GULP1: variants seen among roughly 807,000 people sequenced by gnomAD.
The protein encoded by GULP1 is GULP PTB domain containing engulfment adaptor 1, also known as PTB domain-containing engulfment adapter protein 1.
Under a neutral mutation model 40.9 loss-of-function variants are expected in GULP1, and 19 were observed. The observed-to-expected ratio is 0.46, with a 90% CI of 0.32 to 0.68. The LOEUF (loss-of-function observed/expected upper bound fraction) is 0.68, where lower values mean the gene tolerates loss of function less well. Ranked by LOEUF, GULP1 falls within the 30% of genes least tolerant of loss-of-function variation. GULP1 has a pLI of 0.03. For synonymous variants in GULP1, 119 were observed against 117.6 expected, an observed-to-expected ratio of 1.01 and a Z score of -0.08; for missense variants, 312 against 362.2, an observed-to-expected ratio of 0.86 and a Z score of 1.12.
chr2:188,494,696 C>CT (rs1327443401), intron 4 of GULP1, among the ~76,000 whole-genome samples: 1 of 152,012 alleles, frequency 6.6e-6, no homozygotes, highest in Non-Finnish European at 1.5e-5. Flanking sequence ...ACCTGAATAT[C>CT]TTTAAGTAGC....
chr2:188,406,982 A>G (rs776414823), intron 2 of GULP1, among the ~76,000 whole-genome samples: 1 of 152,154 alleles, frequency 6.6e-6, no homozygotes, highest in African/African-American at 2.4e-5. Flanking sequence ...AAAATCAAAG[A>G]CAGAGAATCC....
chr2:188,496,170 A>C (rs184612680), intron 4 of GULP1, among the ~76,000 whole-genome samples: 47 of 152,138 alleles, frequency 3.1e-4, no homozygotes, highest in African/African-American at 9.1e-4. Flanking sequence ...CTGCAGGTTC[A>C]GATAAGCGAT....
chr2:188,519,496 T>G (rs1290074207), intron 4 of GULP1, among the ~76,000 whole-genome samples: 3 of 152,194 alleles, frequency 2.0e-5, no homozygotes, highest in Admixed American at 1.3e-4. Context: ...AAAGGATCCA[T>G]CTTTGCTTCT....
intron 1 of GULP1, among the ~76,000 whole-genome samples, chr2:188,312,567 T>C (rs960997757): frequency 6.6e-6 from 1 of 152,236 alleles, no homozygotes; most frequent in Non-Finnish European, 1.5e-5. Flanking sequence ...TTTGGTTGGT[T>C]CCATGTCTTT....
chr2:188,315,530 A>T (rs749127204), intron 1 of GULP1, among the ~76,000 whole-genome samples: 5 of 152,036 alleles, frequency 3.3e-5, no homozygotes, highest in South Asian at 4.1e-4. Flanking sequence ...AATTTTTTGT[A>T]TTTAATCATT....
At chr2:188,475,187 T>G (rs558555546) in intron 2 of GULP1, among the ~76,000 whole-genome samples, 1 of 152,242 alleles carries the variant, frequency 6.6e-6, no homozygotes, top group South Asian at 2.1e-4. Flanking sequence ...GCACATTGCA[T>G]CAAATAAAAT....
intron 4 of GULP1, among the ~76,000 whole-genome samples, chr2:188,520,084 G>T (rs1378189487): frequency 1.3e-5 from 2 of 152,090 alleles, no homozygotes; most frequent in Non-Finnish European, 2.9e-5. Context: ...CTTGATAGCA[G>T]GATTTCATTT....
At chr2:188,352,612 T>TCA (rs1265583408) in intron 1 of GULP1, among the ~76,000 whole-genome samples, 1 of 42,510 alleles carries the variant, frequency 2.4e-5, no homozygotes. Flanking sequence ...TCTCTCTCTC[T>TCA]CTCTCTCACA....
rs191558533 is a variant in GULP1 at position 188,459,992 on chromosome 2, A to G, written c.-44-17667A>G. Among the ~76,000 whole-genome samples the G allele has an allele frequency of 8.1e-3, 1,233 of 152,016 alleles. 4 individuals are homozygous for G. The highest frequency in any genetic ancestry group is 0.02 in the Middle Eastern group (6 of 294). On this transcript the variant is annotated intron_variant, in intron 2 of 11. Transcript: ENST00000409830. ...ATTTCTGAATTCTCTATTGTGTTTC[A>G]TTGGTCTATGTGTCTGTTTTTATGA...
At chr2:188,487,182 G>C (rs956332508) in intron 4 of GULP1, among the ~76,000 whole-genome samples, 1 of 151,846 alleles carries the variant, frequency 6.6e-6, no homozygotes, top group South Asian at 2.1e-4. Context: ...TTTTCTGTTA[G>C]AGTGAGACAG....
intron 4 of GULP1, among the ~76,000 whole-genome samples, chr2:188,490,880 T>G (rs1472114135): frequency 6.6e-6 from 1 of 152,112 alleles, no homozygotes; most frequent in African/African-American, 2.4e-5. Context: ...TTTAGTTCAC[T>G]GCAACCTCTG....
chr2:188,404,826 C>G (rs2052835594), intron 2 of GULP1, among the ~76,000 whole-genome samples: 1 of 152,064 alleles, frequency 6.6e-6, no homozygotes, highest in South Asian at 2.1e-4. Flanking sequence ...GGTTCCAGAC[C>G]AGCTCCAAGC....
At chr2:188,410,152 A>T (rs1366642868) in intron 2 of GULP1, among the ~76,000 whole-genome samples, 1 of 152,196 alleles carries the variant, frequency 6.6e-6, no homozygotes, top group African/African-American at 2.4e-5. Flanking sequence ...ATGGAGAAGA[A>T]TGAAATTAGA....
At position 188,520,871 on chromosome 2, in the gene GULP1, A is replaced by G. The variant is rs557048261; in HGVS notation, c.91-1885A>G. Reference sequence around the variant, plus strand: ...TTAACCAACGCTCTAGGTAATTTTCATGCCAGTTGTGCAGCGAACCCATTT... The same window carrying G: ...TTAACCAACGCTCTAGGTAATTTTCGTGCCAGTTGTGCAGCGAACCCATTT... On this transcript the variant is annotated intron_variant, in intron 4 of 11. Coordinates refer to ENST00000409830, the MANE Select transcript of GULP1 (RefSeq NM_016315.4). Among the ~76,000 whole-genome samples, 5 of 152,274 alleles carry G rather than the reference A, an allele frequency of 3.3e-5. No individual in the cohort carries two copies. The South Asian group carries it at 1.0e-3, about 32-fold the overall frequency.
chr2:188,478,039 T>A (rs2061159584), intron 3 of GULP1, among the ~76,000 whole-genome samples: 1 of 152,148 alleles, frequency 6.6e-6, no homozygotes, highest in Non-Finnish European at 1.5e-5. Flanking sequence ...AACTTTAGCT[T>A]ATGTAGCCAT....
intron 2 of GULP1, among the ~76,000 whole-genome samples, chr2:188,472,333 T>C (rs1024428882): frequency 2.6e-5 from 4 of 152,132 alleles, no homozygotes; most frequent in African/African-American, 9.7e-5. Context: ...TTGTGAAGTT[T>C]TCTGATATTA....
rs1469663693 is a variant in GULP1, at chr2:188,584,349, C to G, written c.694C>G (p.Pro232Ala). 5.6e-6 allele frequency: 9 copies of G among 1,604,948 alleles called. No homozygotes were observed. The African/African-American group carries it at 9.4e-5, about 17-fold the overall frequency. The part of the protein sequence containing the change: ...FSPISHQSSM[P>A]TRNGTQPPPV... ...TCCAATATCACACCAGTCTTCGATG[C>G]CTACTCGCAATGGCACACAGCCACC... Residue 232 changes from proline (P) to alanine (A), a missense_variant, in exon 10 of 12, where the codon CCT (proline) becomes GCT (alanine). Pro to Ala is a conservative substitution (Grantham distance 27). Coordinates refer to ENST00000409830, the MANE Select transcript of GULP1 (RefSeq NM_016315.4).
intron 2 of GULP1, among the ~76,000 whole-genome samples, chr2:188,399,117 A>C (rs1267484729): frequency 6.6e-6 from 1 of 152,218 alleles, no homozygotes; most frequent in African/African-American, 2.4e-5. Flanking sequence ...CTTAGATCAC[A>C]AGTAACAGAA....
intron 1 of GULP1, among the ~76,000 whole-genome samples, chr2:188,308,223 T>C (rs1242867169): frequency 1.3e-5 from 2 of 152,142 alleles, no homozygotes; most frequent in Admixed American, 1.3e-4. Context: ...ATCAGCACAG[T>C]CATTAAAGTA....
Sources: gnomAD v4.1 joint callset for allele counts (sites outside exome capture counted in the v4.1 genomes callset) on GRCh38, gnomAD v4.1.1 for gene constraint, MANE v1.5 for transcripts, NCBI Gene and HGNC (gene_info 2026-07-23, HGNC 2026-07-21) for gene names.